Variants in TRPM6 observed in about 807,000 individuals in gnomAD.
TRPM6 encodes channel kinase 2.
In TRPM6, 111 loss-of-function variants were observed where a neutral mutation model predicts 247.6. That is an observed-to-expected ratio of 0.45 (90% CI 0.38 to 0.52). The LOEUF is 0.52. Among genes scored for constraint, TRPM6 ranks in the 20% least tolerant of loss-of-function variants. The pLI is 0.00. For synonymous variants in TRPM6, 892 were observed against 853.8 expected (o/e 1.04, Z -0.78); for missense variants, 2,126 against 2,421.5 (o/e 0.88, Z 2.56).
intron 1 of TRPM6, chr9:74,887,127 C>CAT: frequency 1.5e-6 from 1 of 659,172 alleles, no homozygotes; most frequent in East Asian, 3.3e-5. Context: ...CCTGTTGCGC[C>CAT]ATATGCCAGC....
At position 74,815,557 on chromosome 9, in the gene TRPM6, C is replaced by A. The variant is rs567522014; in HGVS notation, c.1308+1112G>T. On this transcript the variant is annotated intron_variant, in intron 11 of 38. Transcript: ENST00000360774. ...TAACATGGGAAAGAGGCAAGGGAAT[C>A]CCCAAGATGATGAGGGTGCATCCCG... Among the ~76,000 whole-genome samples the A allele has an allele frequency of 4.6e-5, 7 of 152,222 alleles. No individual in the cohort carries two copies. The East Asian group carries it at 1.2e-3, about 25-fold the overall frequency.
intron 19 of TRPM6, among the ~76,000 whole-genome samples, chr9:74,789,960 C>CAAAAAAAAAA (rs71368680): frequency 3.1e-5 from 2 of 65,136 alleles, no homozygotes; most frequent in African/African-American, 6.4e-5. Flanking sequence ...GACTCCATCT[C>CAAAAAAAAAA]AAAAAAAAAA....
intron 33 of TRPM6, among the ~76,000 whole-genome samples, chr9:74,741,570 G>A (rs1272894352): frequency 6.6e-6 from 1 of 152,048 alleles, no homozygotes; most frequent in African/African-American, 2.4e-5. Flanking sequence ...CAGCCATGGG[G>A]CCAAATGGAA....
At chr9:74,788,764 C>T in intron 19 of TRPM6, 22 bp from the exon 20 acceptor site, 1 of 1,612,632 alleles carries the variant, frequency 6.2e-7, no homozygotes, top group Non-Finnish European at 8.5e-7. Flanking sequence ...ACACACATTC[C>T]CCAGATGTGA....
At chr9:74,734,433 C>T (rs565094999) in intron 36 of TRPM6, among the ~76,000 whole-genome samples, 1 of 152,268 alleles carries the variant, frequency 6.6e-6, no homozygotes, top group Non-Finnish European at 1.5e-5. Context: ...TCCTTATAGA[C>T]TTTCACCCTA....
intron 26 of TRPM6, 64 bp downstream of exon 26, chr9:74,761,935 A>G: frequency 1.9e-6 from 3 of 1,575,696 alleles, no homozygotes; most frequent in Non-Finnish European, 2.6e-6. Context: ...AAAAAACAAA[A>G]CAAAACAAAA....
rs1011386366 is a variant in TRPM6 at position 74,738,440 on chromosome 9, T to G, written c.5743A>C (p.Thr1915Pro). 6.2e-7 allele frequency: 1 copy of G among 1,613,926 alleles called. No homozygotes were observed. The highest frequency in any genetic ancestry group is 1.3e-5 in the African/African-American group (1 of 74,908). The change falls in exon 36 of 39, where the codon ACT (threonine) becomes CCT (proline). Residue 1915 changes from threonine to proline, a missense_variant. This residue lies in a region of TRPM6 where 327 missense variants were observed against 397.7 expected (regional missense o/e 0.82). Transcript: ENST00000360774. ...LAFSHWTYEY[T>P]RGELLVLDLQ... is the part of the protein sequence containing the mutation. ...TCTAAAACCAGCAGCTCTCCCCGAG[T>G]GTACTCATAGGTCCAGTGAGAGAAA...
At chr9:74,847,210 GT>G in intron 3 of TRPM6, among the ~76,000 whole-genome samples, 1 of 152,058 alleles carries the variant, frequency 6.6e-6, no homozygotes, top group South Asian at 2.1e-4. Context: ...AATTTTCACT[GT>G]TTAGTTTGAG....
chr9:74,783,481 T>A (rs1827535287), intron 21 of TRPM6, among the ~76,000 whole-genome samples: 1 of 152,184 alleles, frequency 6.6e-6, no homozygotes. Flanking sequence ...GCACTTCTTG[T>A]CCAGAGCAGT....
intron 19 of TRPM6, among the ~76,000 whole-genome samples, chr9:74,791,738 C>CA (rs1827905426): frequency 6.6e-6 from 1 of 152,082 alleles, no homozygotes; most frequent in Non-Finnish European, 1.5e-5. Context: ...TTCCTACAAA[C>CA]AAAAAGCTGA....
intron 27 of TRPM6, among the ~76,000 whole-genome samples, chr9:74,758,428 C>A (rs575036809): frequency 4.7e-4 from 71 of 151,994 alleles, no homozygotes; most frequent in African/African-American, 1.6e-3. Flanking sequence ...ACATCATGAC[C>A]AAGTGGGGTT....
At chr9:74,848,057 T>A in intron 3 of TRPM6, among the ~76,000 whole-genome samples, 1 of 152,218 alleles carries the variant, frequency 6.6e-6, no homozygotes, top group East Asian at 1.9e-4. Flanking sequence ...CCTGTGGCCA[T>A]AATTTTGCAA....
chr9:74,798,178 A>G (rs945662321), intron 17 of TRPM6, among the ~76,000 whole-genome samples: 1 of 152,156 alleles, frequency 6.6e-6, no homozygotes, highest in Non-Finnish European at 1.5e-5. Context: ...GTATTCTGGT[A>G]TTCAGTGATG....
At chr9:74,863,947 G>A (rs1306629722) in intron 1 of TRPM6, among the ~76,000 whole-genome samples, 6 of 150,782 alleles carry the variant, frequency 4.0e-5, no homozygotes, top group Non-Finnish European at 5.9e-5. Flanking sequence ...GGGAGACAAA[G>A]ATAACAGGTC....
rs1471596002 is a variant in TRPM6 at position 74,727,361 on chromosome 9, G to A, written c.5935+878C>T. ...TGCGCCACTGTGCTCCAGCCTGGGC[G>A]ACAGAGTGAGACTCCGTCTCAAAAA... On this transcript the variant is annotated intron_variant, in intron 38 of 38. Coordinates refer to ENST00000360774, the MANE Select transcript of TRPM6 (RefSeq NM_017662.5). 4.6e-5 allele frequency among the ~76,000 whole-genome samples: 6 copies of A among 130,980 alleles called. No individual in the cohort carries two copies. In the East Asian group the frequency reaches 6.6e-4, roughly 14 times the overall value. 85.9% of individuals were successfully genotyped at this position (130,980 alleles called of 152,430 possible).
Position 74,842,169 on chromosome 9 carries a change from G to C in TRPM6, c.327C>G (p.Ala109=). The change falls in exon 4 of 39, where the codon GCC becomes GCG. Residue 109 remains alanine (A), a synonymous_variant. Transcript: ENST00000360774. ...ACAATTTGGGTTATTAGCAAACCTTGGCATGATGGGTGTGCTCTCCATCTT... is the reference window on the plus strand; with the variant it reads ...ACAATTTGGGTTATTAGCAAACCTTCGCATGATGGGTGTGCTCTCCATCTT... ...NFQDGEHTHH[A]KYIRTSYDTK... is the part of the protein sequence containing the mutation. 6.2e-7 allele frequency: 1 copy of C among 1,613,118 alleles called. No individual in the cohort carries two copies. Among genetic ancestry groups the C allele is most frequent in the South Asian group, 1.1e-5 (1 of 91,034 alleles).
rs1827779156 is a variant in TRPM6, at chr9:74,788,616, C to T, written c.2665G>A (p.Glu889Lys). ...TAAAGGTAGATGGCATAACTCACCT[C>T]CCTGACCACCTCAATAGCATTGGTG... ...IFTNAIEVVR[E>K]ICISEPGKFT... is the part of the protein sequence containing the mutation. The change falls in exon 20 of 39, where the codon GAG becomes AAG. Residue 889 changes from glutamate to lysine, a missense_variant and splice_region_variant. Transcript: ENST00000360774. 6.2e-7 allele frequency: 1 copy of T among 1,613,962 alleles called. No individual in the cohort carries two copies. The highest frequency in any genetic ancestry group is 8.5e-7 in the Non-Finnish European group (1 of 1,179,878).
At chr9:74,770,874 C>G (rs1827008527) in intron 25 of TRPM6, among the ~76,000 whole-genome samples, 1 of 152,152 alleles carries the variant, frequency 6.6e-6, no homozygotes, top group Admixed American at 6.5e-5. Context: ...CTTACCGTGT[C>G]CCCATACCAA....
chr9:74,723,615 C>A lies in TRPM6; in HGVS notation c.*998G>T, dbSNP rs559144201. 24 of 151,192 alleles carry A rather than the reference C, an allele frequency of 1.6e-4. No homozygotes were observed. The highest frequency in any genetic ancestry group is 5.6e-4 in the African/African-American group (23 of 41,216). The allele number at this position is 151,192 out of a possible 1,614,324, so 9.4% of individuals were successfully genotyped here. ...GTCAGGAGTTTGAGACCAGCCTGGC[C>A]AACATGGTGAAACCCCATCTCTACT... On this transcript the variant is annotated 3_prime_UTR_variant, in exon 39 of 39. Transcript: ENST00000360774.
Sources: allele counts gnomAD v4.1 joint callset (sites outside exome capture counted in the v4.1 genomes callset), GRCh38; gene constraint gnomAD v4.1.1; regional missense constraint gnomAD v4.1.1; transcripts MANE v1.5; gene names NCBI Gene and HGNC (gene_info 2026-07-23, HGNC 2026-07-21).